LAMA3: variants seen among roughly 807,000 people sequenced by gnomAD.
The protein encoded by LAMA3 is laminin subunit alpha 3, also known as laminin subunit alpha-3.
Under a neutral mutation model 402.0 loss-of-function variants are expected in LAMA3, and 281 were observed. The ratio of observed to expected loss-of-function variants is 0.70; its 90% CI spans 0.63 to 0.77. The LOEUF (loss-of-function observed/expected upper bound fraction) is 0.77. LAMA3 is among the 30% of genes least tolerant of loss of function. The probability of loss-of-function intolerance (pLI) is 0.00; values close to 1 mark genes in which losing one functional copy is unlikely to be tolerated. For missense variants in LAMA3, 3,840 were observed against 4,215.5 expected, an observed-to-expected ratio of 0.91 and a Z score of 2.47; for synonymous variants, 1,431 against 1,558.4, an observed-to-expected ratio of 0.92 and a Z score of 1.93.
intron 35 of LAMA3, 48 bp from the exon 36 acceptor site, chr18:23,864,734 ACAT>A (rs2064310639): frequency 8.5e-7 from 1 of 1,173,108 alleles, no homozygotes; most frequent in Non-Finnish European, 1.3e-6. Context: ...GTTGATGTTG[ACAT>A]CATCTCTTTT....
chr18:23,814,098 G>T (rs2144323371), intron 14 of LAMA3, among the ~76,000 whole-genome samples: 1 of 152,326 alleles, frequency 6.6e-6, no homozygotes, highest in Middle Eastern at 3.4e-3. Flanking sequence ...AGTCTATGCT[G>T]TAACAGTATC....
At chr18:23,919,934 G>A (rs2081773263) in intron 60 of LAMA3, among the ~76,000 whole-genome samples, 1 of 152,080 alleles carries the variant, frequency 6.6e-6, no homozygotes. Flanking sequence ...AAAATGTTGT[G>A]GCTGAGACTA....
Position 23,847,663 on chromosome 18 carries a change from G to A in LAMA3, c.4131G>A (p.Gln1377=), listed in dbSNP as rs2063849070. ...CGGAGTGTGACCGGGACAGCGGGCA[G>A]TGCAGGTGAGCTGGGGGAGTAGCCT... is the stretch of plus-strand genomic sequence containing the variant. ...AMPECDRDSG[Q]CRCKPRITGR... Residue 1377 remains glutamine, a synonymous_variant, in exon 32 of 75, where the codon CAG becomes CAA. Coordinates refer to ENST00000313654, the MANE Select transcript of LAMA3 (RefSeq NM_198129.4). The A allele has an allele frequency of 1.2e-6, 2 of 1,613,102 alleles. No individual in the cohort carries two copies. The highest frequency in any genetic ancestry group is 2.2e-5 in the South Asian group (2 of 90,900).
chr18:23,871,535 A>C lies in LAMA3; in HGVS notation c.4872A>C (p.Thr1624=). 6.2e-7 allele frequency: 1 copy of C among 1,614,204 alleles called. No homozygotes were observed. Among genetic ancestry groups the C allele is most frequent in the Non-Finnish European group, 8.5e-7 (1 of 1,180,020 alleles). ...ADVRIQGLYF[T]ETQRLTLSEV... ...TGCGCATCCAAGGCCTCTACTTCAC[A>C]GAGACTCAAAGGCTCACCCTGAGCG... Residue 1624 remains threonine, a synonymous_variant, in exon 38 of 75, where the codon ACA becomes ACC. Transcript: ENST00000313654.
At chr18:23,793,393 A>G (rs2062700081) in intron 12 of LAMA3, among the ~76,000 whole-genome samples, 1 of 151,984 alleles carries the variant, frequency 6.6e-6, no homozygotes, top group Admixed American at 6.5e-5. Context: ...AGAAACAGAA[A>G]ATAAAAGAAA....
chr18:23,928,059 C>G, intron 62 of LAMA3, 64 bp from the exon 63 acceptor site: 1 of 1,129,902 alleles, frequency 8.9e-7, no homozygotes, highest in Admixed American at 1.7e-5. Flanking sequence ...CACAGCGTTT[C>G]AGCTCTGATT....
At chr18:23,751,188 T>A in intron 5 of LAMA3, 100 bp downstream of exon 5, 2 of 1,116,170 alleles carry the variant, frequency 1.8e-6, no homozygotes, top group Non-Finnish European at 2.7e-6. Context: ...TTATAGCCTG[T>A]AATGATGTAG....
chr18:23,953,768 G>A (rs1469395813), intron 74 of LAMA3, among the ~76,000 whole-genome samples: 1 of 152,216 alleles, frequency 6.6e-6, no homozygotes, highest in East Asian at 1.9e-4. Flanking sequence ...AGTTTTACTA[G>A]TGAGTTATTA....
intron 12 of LAMA3, among the ~76,000 whole-genome samples, chr18:23,807,912 A>G (rs372865937): frequency 6.6e-6 from 1 of 152,206 alleles, no homozygotes; most frequent in Non-Finnish European, 1.5e-5. Flanking sequence ...ACCACTAGGT[A>G]GAGACTTAAC....
rs1347110637 is a variant in LAMA3 at position 23,784,162 on chromosome 18, G to A, written c.1603+5G>A. 1 of 1,614,164 alleles carries A rather than the reference G, an allele frequency of 6.2e-7. No individual in the cohort carries two copies. Among genetic ancestry groups the A allele is most frequent in the South Asian group, 1.1e-5 (1 of 91,080 alleles). On this transcript the variant is annotated splice_donor_5th_base_variant and intron_variant, in intron 12 of 74. Transcript: ENST00000313654. ...ACTCATTCCCTATTTGCCAAGGTAA[G>A]TGGGCAGAACATAGCATATTCATAA...
At chr18:23,951,578 T>C in intron 72 of LAMA3, 106 bp from the exon 73 acceptor site, 1 of 789,104 alleles carries the variant, frequency 1.3e-6, no homozygotes, top group East Asian at 2.7e-5. Flanking sequence ...ATATCTAATG[T>C]GCCCTTAAGC....
intron 42 of LAMA3, among the ~76,000 whole-genome samples, chr18:23,890,427 A>T (rs1477719337): frequency 6.6e-6 from 1 of 151,942 alleles, no homozygotes; most frequent in Non-Finnish European, 1.5e-5. Flanking sequence ...TACTTTGGTG[A>T]TTTTGCTGAG....
At chr18:23,699,183 G>A (rs906850438) in intron 1 of LAMA3, among the ~76,000 whole-genome samples, 1 of 152,230 alleles carries the variant, frequency 6.6e-6, no homozygotes, top group Non-Finnish European at 1.5e-5. Context: ...CCCCTGAGGC[G>A]GGAACATGCT....
In LAMA3 at chr18:23,943,865, T is replaced by A. The variant is rs1215332672; in HGVS notation, c.9104T>A (p.Met3035Lys). The change falls in exon 69 of 75, where the codon ATG (methionine) becomes AAG (lysine). Residue 3035 changes from methionine to lysine, a missense_variant. Transcript: ENST00000313654. ...CACACGGGCACTAAGAACTCCTTTA[T>A]GGCTCTTTATCTTTCAAAAGGACGT... ...VFHTGTKNSF[M>K]ALYLSKGRLV... is the part of the protein sequence containing the mutation. 1 of 1,613,910 alleles carries A rather than the reference T, an allele frequency of 6.2e-7. No individual in the cohort carries two copies. The highest frequency in any genetic ancestry group is 8.5e-7 in the Non-Finnish European group (1 of 1,179,864).
At chr18:23,803,473 G>T (rs1278574482) in intron 12 of LAMA3, among the ~76,000 whole-genome samples, 2 of 152,164 alleles carry the variant, frequency 1.3e-5, no homozygotes, top group Non-Finnish European at 2.9e-5. Flanking sequence ...AGATCCTCCT[G>T]TCTACTTGGG....
rs1568109215 is a variant in LAMA3, at chr18:23,717,719, A to ATTTTTTTTTTTTTTTTTTTTT, written c.447+3647_447+3648insTTTTTTTTTTTTTTTTTTTTT. ...AGGTGCCCACCACCATGCCTGGCTAAATTTTTTTTTTTTTTTTTTTTTTTT... is the reference window on the plus strand; with the variant it reads ...AGGTGCCCACCACCATGCCTGGCTAATTTTTTTTTTTTTTTTTTTTTATTTTTTTTTTTTTTTTTTTTTTTT... On this transcript the variant is annotated intron_variant, in intron 2 of 74. Coordinates refer to ENST00000313654, the MANE Select transcript of LAMA3 (RefSeq NM_198129.4). Among the ~76,000 whole-genome samples the ATTTTTTTTTTTTTTTTTTTTT allele has an allele frequency of 1.7e-5, 2 of 116,806 alleles. 1 individual carries two copies. 76.6% of individuals were successfully genotyped at this position (116,806 alleles called of 152,430 possible). A position where few individuals can be genotyped will look rare whatever the true frequency, so the allele number is the denominator to read the frequency against.
chr18:23,864,581 A>T (rs568874223), intron 35 of LAMA3, among the ~76,000 whole-genome samples: 2 of 152,226 alleles, frequency 1.3e-5, no homozygotes, highest in Middle Eastern at 3.4e-3. Flanking sequence ...AATCATGTTC[A>T]TGCTAAACAT....
chr18:23,855,582 C>T (rs2064057043), intron 32 of LAMA3, among the ~76,000 whole-genome samples: 1 of 152,158 alleles, frequency 6.6e-6, no homozygotes, highest in Non-Finnish European at 1.5e-5. Flanking sequence ...TAACCTGGGG[C>T]CAGGAGCCCT....
chr18:23,948,986 A>C (rs539992289), intron 70 of LAMA3, among the ~76,000 whole-genome samples: 1 of 152,342 alleles, frequency 6.6e-6, no homozygotes, highest in Admixed American at 6.5e-5. Context: ...GTGAATCTCA[A>C]ACTTTCTTGA....
Sources: gnomAD v4.1 joint callset for allele counts (sites outside exome capture counted in the v4.1 genomes callset) on GRCh38, gnomAD v4.1.1 for gene constraint, MANE v1.5 for transcripts, NCBI Gene and HGNC (gene_info 2026-07-23, HGNC 2026-07-21) for gene names.